Variants in MSH4 observed in about 807,000 individuals in gnomAD.
MSH4 encodes mutS homolog 4, also known as mutS protein homolog 4.
In MSH4, 106 loss-of-function variants were observed where a neutral mutation model predicts 113.7. That is an observed-to-expected ratio of 0.93 (90% confidence interval 0.80 to 1.10). The LOEUF is 1.10. Ranked by LOEUF, MSH4 falls within the 50% of genes least tolerant of loss-of-function variation. MSH4 has a pLI of 0.00. For synonymous variants in MSH4, 368 were observed against 380.2 expected (o/e 0.97, Z 0.37); for missense variants, 1,061 against 1,093.7 (o/e 0.97, Z 0.42).
intron 7 of MSH4, among the ~76,000 whole-genome samples, chr1:75,837,058 C>T (rs1312391386): frequency 6.6e-6 from 1 of 152,198 alleles, no homozygotes; most frequent in African/African-American, 2.4e-5. Context: ...TCCTCACCTT[C>T]AAGGTGATAG....
rs187103357 is a variant in MSH4 at position 75,853,742 on chromosome 1, G to T, written c.1230+5466G>T. Among the ~76,000 whole-genome samples the T allele has an allele frequency of 4.6e-5, 7 of 152,040 alleles. No homozygotes were observed. The East Asian group carries it at 5.8e-4, about 13-fold the overall frequency. On this transcript the variant is annotated intron_variant, in intron 8 of 19. Coordinates refer to ENST00000263187, the MANE Select transcript of MSH4 (RefSeq NM_002440.4). ...TCTCACATTGTCTCAGATTTGACAT[G>T]TGCAAGCCTCTTCTAATTTGCTTCT...
At chr1:75,880,327 G>A (rs961405113) in intron 13 of MSH4, among the ~76,000 whole-genome samples, 174 bp downstream of exon 13, 1 of 152,110 alleles carries the variant, frequency 6.6e-6, no homozygotes, top group Non-Finnish European at 1.5e-5. Flanking sequence ...AAGCTTCGGG[G>A]AAGATCTAAT....
At chr1:75,906,154 C>A (rs1465600889) in intron 19 of MSH4, among the ~76,000 whole-genome samples, 1 of 151,652 alleles carries the variant, frequency 6.6e-6, no homozygotes, top group African/African-American at 2.4e-5. Flanking sequence ...GTACACCCAG[C>A]TAATTTTTGT....
At chr1:75,905,832 C>T (rs889364086) in intron 19 of MSH4, among the ~76,000 whole-genome samples, 2 of 151,986 alleles carry the variant, frequency 1.3e-5, no homozygotes, top group Non-Finnish European at 2.9e-5. Context: ...CAGTCTTTGA[C>T]TTGAAGTCTA....
chr1:75,877,694 C>T (rs1651844601), intron 10 of MSH4, among the ~76,000 whole-genome samples: 1 of 152,204 alleles, frequency 6.6e-6, no homozygotes, highest in South Asian at 2.1e-4. Context: ...ACGCTGTCTA[C>T]ATATGTGTTT....
At chr1:75,813,178 G>A (rs1358733027) in intron 4 of MSH4, among the ~76,000 whole-genome samples, 1 of 152,146 alleles carries the variant, frequency 6.6e-6, no homozygotes, top group Non-Finnish European at 1.5e-5. Flanking sequence ...TTCCAGGGAA[G>A]GATGCTGACT....
At chr1:75,849,333 A>G (rs557648002) in intron 8 of MSH4, among the ~76,000 whole-genome samples, 59 of 152,318 alleles carry the variant, frequency 3.9e-4, no homozygotes, top group African/African-American at 1.3e-3. Context: ...AAAGAAAGTA[A>G]TAATAGCTTT....
chr1:75,834,256 C>T (rs12136360), intron 7 of MSH4, among the ~76,000 whole-genome samples: 32,972 of 152,104 alleles, frequency 0.22, 3,787 homozygotes, highest in Middle Eastern at 0.31. Flanking sequence ...GTTAGAATGG[C>T]AATCATTAAA....
chr1:75,806,270 A>G (rs1321094242), intron 2 of MSH4, among the ~76,000 whole-genome samples: 2 of 99,440 alleles, frequency 2.0e-5, no homozygotes, highest in African/African-American at 8.0e-5. Flanking sequence ...TTTTTTGAGA[A>G]GGAGTCTCGC....
At chr1:75,885,373 T>A (rs1423361542) in intron 15 of MSH4, among the ~76,000 whole-genome samples, 1 of 132,446 alleles carries the variant, frequency 7.6e-6, no homozygotes, top group Admixed American at 8.8e-5. Context: ...ATGTAACATT[T>A]TGGTTTTCAC....
At chr1:75,879,609 T>C (rs559791983) in intron 12 of MSH4, among the ~76,000 whole-genome samples, 54 of 152,186 alleles carry the variant, frequency 3.5e-4, no homozygotes, top group Non-Finnish European at 6.0e-4. Context: ...GGGTACTTTT[T>C]GATAAGAACA....
Position 75,883,788 on chromosome 1 carries a change from C to G in MSH4, c.2074C>G (p.Gln692Glu), listed in dbSNP as rs1187310464. 1 of 1,612,860 alleles carries G rather than the reference C, an allele frequency of 6.2e-7. No homozygotes were observed. The highest frequency in any genetic ancestry group is 8.5e-7 in the Non-Finnish European group (1 of 1,179,454). Residue 692 changes from glutamine to glutamate, a missense_variant, in exon 15 of 20, where the codon CAG becomes GAG. Coordinates refer to ENST00000263187, the MANE Select transcript of MSH4 (RefSeq NM_002440.4). The stretch of plus-strand genomic sequence containing the variant: ...GAGTGGAAAATCCACATATTTAAAA[C>G]AGATTGCTCTTTGTCAGATTATGGC... ...NMSGKSTYLK[Q>E]IALCQIMAQI...
intron 15 of MSH4, 45 bp from the exon 16 acceptor site, chr1:75,889,206 A>G (rs1557526450): frequency 1.1e-6 from 1 of 913,282 alleles, no homozygotes; most frequent in Non-Finnish European, 1.7e-6. Context: ...TAGTAATTAT[A>G]TTTTATAAAC....
chr1:75,831,476 A>G (rs914213549), intron 7 of MSH4, among the ~76,000 whole-genome samples: 1 of 152,222 alleles, frequency 6.6e-6, no homozygotes, highest in Admixed American at 6.5e-5. Context: ...AAAGCAGCAG[A>G]ATATACATTT....
In MSH4 at chr1:75,880,103, G is replaced by T; in HGVS notation, c.1731G>T (p.Met577Ile). ...YSFTSADLIK[M>I]NERCQESLRE... ...TTACATCAGCAGATTTAATTAAAAT[G>T]AATGAAAGATGCCAAGAATCTTTGA... Residue 577 changes from methionine (M) to isoleucine (I), a missense_variant, in exon 13 of 20, where the codon ATG (methionine) becomes ATT (isoleucine). Met to Ile is a conservative substitution (Grantham distance 10). Coordinates refer to ENST00000263187, the MANE Select transcript of MSH4 (RefSeq NM_002440.4). The T allele has an allele frequency of 6.3e-7, 1 of 1,598,940 alleles. No individual in the cohort carries two copies. The highest frequency in any genetic ancestry group is 8.5e-7 in the Non-Finnish European group (1 of 1,171,036).
At chr1:75,876,868 G>A (rs1016295359) in intron 9 of MSH4, 68 bp from the exon 10 acceptor site, 12 of 878,580 alleles carry the variant, frequency 1.4e-5, no homozygotes, top group Admixed American at 2.8e-5. Flanking sequence ...TTAAACAACT[G>A]TAAAATGATA....
rs531338056 is a variant in MSH4, at chr1:75,832,892, T to C, written c.1162+10311T>C. Reference sequence around the variant, plus strand: ...CCTGGCACAAGACAGGGATGCCCTCTCTCACCACTCCTATTCAACATAGTG... The same window carrying C: ...CCTGGCACAAGACAGGGATGCCCTCCCTCACCACTCCTATTCAACATAGTG... On this transcript the variant is annotated intron_variant, in intron 7 of 19. Transcript: ENST00000263187. Among the ~76,000 whole-genome samples the C allele has an allele frequency of 9.8e-5, 15 of 152,286 alleles. No homozygotes were observed. The East Asian group carries it at 2.7e-3, about 27-fold the overall frequency.
At chr1:75,812,077 G>T (rs1358644017) in intron 4 of MSH4, among the ~76,000 whole-genome samples, 1 of 151,974 alleles carries the variant, frequency 6.6e-6, no homozygotes, top group Non-Finnish European at 1.5e-5. Flanking sequence ...TGTTGTTGTT[G>T]TTGTTGTGAT....
intron 2 of MSH4, 70 bp downstream of exon 2, chr1:75,803,983 G>T (rs1042538417): frequency 1.1e-5 from 12 of 1,097,838 alleles, no homozygotes; most frequent in African/African-American, 3.3e-5. Context: ...ATAAATTAGG[G>T]TTATTAAGTT....
Sources: allele counts gnomAD v4.1 joint callset (sites outside exome capture counted in the v4.1 genomes callset), GRCh38; gene constraint gnomAD v4.1.1; transcripts MANE v1.5; gene names NCBI Gene and HGNC (gene_info 2026-07-23, HGNC 2026-07-21).